The following IQCJ variants were observed in gnomAD, a reference collection of about 807,000 sequenced individuals.
IQCJ encodes the protein IQ motif containing J.
Under a neutral mutation model 11.0 loss-of-function variants are expected in IQCJ, and 9 were observed. That is an observed-to-expected ratio of 0.82 (90% confidence interval 0.49 to 1.43). The LOEUF is 1.43. Among genes scored for constraint, IQCJ ranks in the 40% most tolerant of loss-of-function variants. The probability of loss-of-function intolerance (pLI) is 0.00; values close to 1 mark genes in which losing one functional copy is unlikely to be tolerated. For synonymous variants in IQCJ, 55 were observed against 51.3 expected (o/e 1.07, Z -0.31); for missense variants, 146 against 133.2 (o/e 1.10, Z -0.47).
chr3:159,180,886 A>G (rs1360690668), intron 1 of IQCJ, among the ~76,000 whole-genome samples: 1 of 152,034 alleles, frequency 6.6e-6, no homozygotes, highest in African/African-American at 2.4e-5. Context: ...ACATTTTGTC[A>G]TCAAGTTATA....
intron 1 of IQCJ, among the ~76,000 whole-genome samples, chr3:159,233,444 G>A (rs1726387370): frequency 6.6e-6 from 1 of 152,102 alleles, no homozygotes. Context: ...GTAACTAATG[G>A]GAAATGGGTT....
intron 1 of IQCJ, among the ~76,000 whole-genome samples, chr3:159,151,342 A>G (rs2108202402): frequency 6.6e-6 from 1 of 152,324 alleles, no homozygotes; most frequent in South Asian, 2.1e-4. Context: ...CTGCCAGAGC[A>G]TCTAGAATCC....
chr3:159,133,815 A>G (rs1238531773), intron 1 of IQCJ, among the ~76,000 whole-genome samples: 1 of 152,092 alleles, frequency 6.6e-6, no homozygotes, highest in Non-Finnish European at 1.5e-5. Context: ...ATCTATTACT[A>G]TGTAACAAAT....
chr3:159,241,184 C>T (rs1042757738), intron 1 of IQCJ, among the ~76,000 whole-genome samples: 40 of 151,758 alleles, frequency 2.6e-4, no homozygotes, highest in African/African-American at 7.7e-4. Context: ...CCGAGGCAGG[C>T]GGATCATGAG....
chr3:159,116,181 C>T (rs1383943605), intron 1 of IQCJ, among the ~76,000 whole-genome samples: 4 of 151,876 alleles, frequency 2.6e-5, no homozygotes, highest in Non-Finnish European at 4.4e-5. Flanking sequence ...TTGTAGTAAG[C>T]CATGTTAGTG....
chr3:159,070,038 C>T (rs1003970776), intron 1 of IQCJ: 1 of 202,860 alleles, frequency 4.9e-6, no homozygotes, highest in Non-Finnish European at 1.0e-5. Context: ...TGGAGAACCT[C>T]AGGGGGACGT....
chr3:159,108,362 G>A (rs1718403973), intron 1 of IQCJ, among the ~76,000 whole-genome samples: 1 of 152,080 alleles, frequency 6.6e-6, no homozygotes, highest in Admixed American at 6.6e-5. Flanking sequence ...AATAAAGATA[G>A]CATCAACACT....
chr3:159,149,295 C>T (rs572369528), intron 1 of IQCJ, among the ~76,000 whole-genome samples: 10 of 152,208 alleles, frequency 6.6e-5, no homozygotes, highest in Admixed American at 3.3e-4. Context: ...CGGCAGACTC[C>T]GGAGGTTTTT....
Position 159,069,843 on chromosome 3 carries a change from T to TTGTGTG in IQCJ, c.9+441_9+446dup, listed in dbSNP as rs34425057. The TTGTGTG allele has an allele frequency of 1.6e-3, 478 of 300,586 alleles. 2 individuals carry two copies. The highest frequency in any genetic ancestry group is 1.8e-3 in the Middle Eastern group (2 of 1,116). The allele number at this position is 300,586 out of a possible 1,614,324, so 18.6% of individuals were successfully genotyped here. ...CACTTATTTAAAAAGCCCTCCTTTC[T>TTGTGTG]TGTGTGTGTGTGTGTGTGTGTGTGT... On this transcript the variant is annotated intron_variant, in intron 1 of 3. Coordinates refer to ENST00000397832, the MANE Select transcript of IQCJ (RefSeq NM_001042706.3).
chr3:159,087,411 A>G (rs1289792136), intron 1 of IQCJ, among the ~76,000 whole-genome samples: 5 of 146,942 alleles, frequency 3.4e-5, no homozygotes, highest in Non-Finnish European at 7.5e-5. Flanking sequence ...TGGCTTTGGT[A>G]TCAGGATGAT....
At chr3:159,150,963 C>T (rs926259200) in intron 1 of IQCJ, among the ~76,000 whole-genome samples, 46 of 152,168 alleles carry the variant, frequency 3.0e-4, no homozygotes, top group Admixed American at 6.5e-5. Context: ...CCTGGTCCTG[C>T]GTGCTGCTCT....
At chr3:159,101,077 C>T (rs1287855744) in intron 1 of IQCJ, among the ~76,000 whole-genome samples, 59 of 104,240 alleles carry the variant, frequency 5.7e-4, no homozygotes, top group Non-Finnish European at 9.9e-4. Flanking sequence ...CGTGGTGCGC[C>T]GTTTCTTAAG....
chr3:159,152,540 G>A (rs755001543), intron 1 of IQCJ, among the ~76,000 whole-genome samples: 12 of 152,176 alleles, frequency 7.9e-5, no homozygotes, highest in Non-Finnish European at 1.6e-4. Flanking sequence ...CTCACTAAAT[G>A]TGTGATTTTT....
intron 1 of IQCJ, among the ~76,000 whole-genome samples, chr3:159,159,879 C>T (rs1032160748): frequency 1.4e-5 from 2 of 143,732 alleles, no homozygotes; most frequent in African/African-American, 3.0e-5. Flanking sequence ...TCCTCCTCAC[C>T]TTCCCACCTT....
chr3:159,211,658 A>G (rs1352422636), intron 1 of IQCJ, among the ~76,000 whole-genome samples: 1 of 152,228 alleles, frequency 6.6e-6, no homozygotes, highest in African/African-American at 2.4e-5. Flanking sequence ...TGAGTAGTGA[A>G]GAGAGACCAT....
intron 1 of IQCJ, among the ~76,000 whole-genome samples, chr3:159,229,651 T>G (rs182279697): frequency 3.4e-5 from 5 of 147,324 alleles, no homozygotes; most frequent in African/African-American, 1.3e-4. Flanking sequence ...CTTCTGTTTT[T>G]AATTTCATGC....
chr3:159,156,424 G>A (rs1345295058), intron 1 of IQCJ, among the ~76,000 whole-genome samples: 2 of 152,172 alleles, frequency 1.3e-5, no homozygotes, highest in South Asian at 2.1e-4. Context: ...GGCCTTCTGG[G>A]TGCAGAATAA....
chr3:159,107,773 A>T (rs1199057274), intron 1 of IQCJ, among the ~76,000 whole-genome samples: 2 of 152,156 alleles, frequency 1.3e-5, no homozygotes, highest in East Asian at 3.9e-4. Flanking sequence ...ATTACCAAAA[A>T]TCAAGCATCT....
At position 159,263,224 on chromosome 3, in the gene IQCJ, T is replaced by A; in HGVS notation, c.*493T>A. The A allele has an allele frequency of 2.9e-6, 1 of 339,068 alleles. No homozygotes were observed. Among genetic ancestry groups the A allele is most frequent in the Non-Finnish European group, 4.2e-6 (1 of 239,022 alleles). The allele number at this position is 339,068 out of a possible 1,614,324, so 21.0% of individuals were successfully genotyped here. A position where few individuals can be genotyped will look rare whatever the true frequency, so the allele number is the denominator to read the frequency against. Reference sequence around the variant, plus strand: ...CCTGAAGGGCAGCGCACTTGGCTCCTGACAATGTGACACCATGTGGCGATA... The same window carrying A: ...CCTGAAGGGCAGCGCACTTGGCTCCAGACAATGTGACACCATGTGGCGATA... On this transcript the variant is annotated 3_prime_UTR_variant, in exon 4 of 4. Coordinates refer to ENST00000397832, the MANE Select transcript of IQCJ (RefSeq NM_001042706.3).
Sources: allele counts gnomAD v4.1 joint callset (sites outside exome capture counted in the v4.1 genomes callset), GRCh38; gene constraint gnomAD v4.1.1; transcripts MANE v1.5; gene names NCBI Gene and HGNC (gene_info 2026-07-23, HGNC 2026-07-21).